TAF8: variants seen among roughly 807,000 people sequenced by gnomAD.
TAF8 encodes the protein TATA-box binding protein associated factor 8.
TAF8 carries 47 observed loss-of-function variants against 36.5 expected under a neutral mutation model. The observed-to-expected ratio is 1.29, with a 90% CI of 1.02 to 1.64. TAF8 has a LOEUF of 1.64. TAF8 is among the 40% of genes most tolerant of loss of function. The probability of loss-of-function intolerance (pLI) is 0.00; values close to 1 mark genes in which losing one functional copy is unlikely to be tolerated. For missense variants in TAF8, 420 were observed against 407.6 expected, an observed-to-expected ratio of 1.03 and a Z score of -0.26; for synonymous variants, 175 against 159.5, an observed-to-expected ratio of 1.10 and a Z score of -0.73.
intron 5 of TAF8, among the ~76,000 whole-genome samples, chr6:42,060,690 A>G (rs1582223127): frequency 6.6e-6 from 1 of 152,220 alleles, no homozygotes; most frequent in Non-Finnish European, 1.5e-5. Flanking sequence ...TTAATTGGCT[A>G]TATAAGTCAA....
rs1765842451 is a variant in TAF8, at chr6:42,078,948, C to T, written c.*1403C>T. ...ACCAGCCTGGCCAACATAGTGAAACCCCGTCTCTACTAAAAATACAAAAAT... is the reference window on the plus strand; with the variant it reads ...ACCAGCCTGGCCAACATAGTGAAACTCCGTCTCTACTAAAAATACAAAAAT... On this transcript the variant is annotated 3_prime_UTR_variant, in exon 9 of 9. Coordinates refer to ENST00000372977, the MANE Select transcript of TAF8 (RefSeq NM_138572.3). The T allele has an allele frequency of 1.5e-6, 1 of 682,320 alleles. No homozygotes were observed. The highest frequency in any genetic ancestry group is 1.8e-6 in the Non-Finnish European group (1 of 553,352). 42.3% of individuals were successfully genotyped at this position (682,320 alleles called of 1,614,324 possible).
intron 5 of TAF8, 67 bp downstream of exon 5, chr6:42,057,580 G>A (rs12208813): frequency 0.11 from 179,284 of 1,589,972 alleles, 11,289 homozygotes; most frequent in East Asian, 0.24. Context: ...TGACTGTCAC[G>A]TGGCAGAGTC....
Position 42,075,663 on chromosome 6 carries a change from T to TG in TAF8, c.781-1437_781-1436insG, listed in dbSNP as rs200650950. On this transcript the variant is annotated intron_variant, in intron 7 of 8. Transcript: ENST00000372977. ...CAGAACAGGAATCTCAATGACTTCT[T>TG]CCCCGTGGAAGAACTTCTTCCCCTT... is the stretch of plus-strand genomic sequence containing the variant. 1.5e-3 allele frequency among the ~76,000 whole-genome samples: 231 copies of TG among 152,020 alleles called. 1 individual carries two copies. The highest frequency in any genetic ancestry group is 5.5e-3 in the African/African-American group (226 of 41,318).
chr6:42,063,349 G>C (rs889423409), intron 5 of TAF8: 2 of 152,018 alleles, frequency 1.3e-5, no homozygotes, highest in African/African-American at 4.8e-5. Context: ...CTTCTGTAGA[G>C]ACAAGATATC....
chr6:42,084,903 A>G (rs1297406865), downstream of TAF8, among the ~76,000 whole-genome samples: 1 of 152,212 alleles, frequency 6.6e-6, no homozygotes, highest in African/African-American at 2.4e-5. Context: ...GTGGCTACCC[A>G]TCGCATCTGG....
chr6:42,086,787 C>T, downstream of TAF8: 2 of 1,539,018 alleles, frequency 1.3e-6, no homozygotes, highest in Non-Finnish European at 1.8e-6. Context: ...GGAGATCGGT[C>T]ACCAGGAGAG....
In TAF8 at chr6:42,079,763, A is replaced by C; in HGVS notation, c.*2218A>C. 1 of 736,638 alleles carries C rather than the reference A, an allele frequency of 1.4e-6. No individual in the cohort carries two copies. Among genetic ancestry groups the C allele is most frequent in the African/African-American group, 1.9e-5 (1 of 51,842 alleles). 45.6% of individuals were successfully genotyped at this position (736,638 alleles called of 1,614,324 possible). A position where few individuals can be genotyped will look rare whatever the true frequency, so the allele number is the denominator to read the frequency against. On this transcript the variant is annotated 3_prime_UTR_variant, in exon 9 of 9. Transcript: ENST00000372977. Reference sequence around the variant, plus strand: ...GACACGGGATTTTGCTATGTTGCCCAGGCTGGTCTTGAACTCCTGGCCTCA... The same window carrying C: ...GACACGGGATTTTGCTATGTTGCCCCGGCTGGTCTTGAACTCCTGGCCTCA...
intron 5 of TAF8, among the ~76,000 whole-genome samples, chr6:42,059,029 T>C (rs973455706): frequency 6.6e-6 from 1 of 152,044 alleles, no homozygotes; most frequent in African/African-American, 2.4e-5. Context: ...TTTTTAAGGA[T>C]AATGTGGTAG....
intron 7 of TAF8, among the ~76,000 whole-genome samples, chr6:42,074,573 C>T (rs1474140942): frequency 6.6e-6 from 1 of 152,238 alleles, no homozygotes; most frequent in Non-Finnish European, 1.5e-5. Flanking sequence ...CCCACTCTGT[C>T]GTCTAGGCTG....
chr6:42,057,520 G>A lies in TAF8; in HGVS notation c.489+7G>A, dbSNP rs1326798541. The A allele has an allele frequency of 5.0e-6, 8 of 1,614,028 alleles. No homozygotes were observed. The highest frequency in any genetic ancestry group is 1.7e-5 in the Admixed American group (1 of 60,002). ...CACCTACATCAAAACTCCGGTGAGTGATGAAGCACTGGGACTGCGCGTGGT... is the reference window on the plus strand; with the variant it reads ...CACCTACATCAAAACTCCGGTGAGTAATGAAGCACTGGGACTGCGCGTGGT... On this transcript the variant is annotated splice_region_variant and intron_variant, in intron 5 of 8. Coordinates refer to ENST00000372977, the MANE Select transcript of TAF8 (RefSeq NM_138572.3).
intron 6 of TAF8, among the ~76,000 whole-genome samples, chr6:42,067,186 C>A (rs1054257871): frequency 7.2e-5 from 11 of 152,178 alleles, no homozygotes; most frequent in Non-Finnish European, 1.6e-4. Context: ...CTGCAGGACC[C>A]CACATCTGAC....
chr6:42,073,683 G>A (rs903232474), intron 7 of TAF8, among the ~76,000 whole-genome samples: 5 of 152,162 alleles, frequency 3.3e-5, no homozygotes, highest in African/African-American at 1.2e-4. Context: ...CTTGTGGGAG[G>A]GAGGGTCAGA....
chr6:42,055,213 C>T (rs1764934506), intron 2 of TAF8, among the ~76,000 whole-genome samples: 1 of 152,218 alleles, frequency 6.6e-6, no homozygotes, highest in Non-Finnish European at 1.5e-5. Context: ...CCTGCGCCAC[C>T]ACACCTGGTC....
chr6:42,064,159 T>C (rs561311978), intron 5 of TAF8, among the ~76,000 whole-genome samples: 1 of 152,260 alleles, frequency 6.6e-6, no homozygotes, highest in South Asian at 2.1e-4. Context: ...GTGCCAAAAG[T>C]TGTCTTAGGA....
intron 7 of TAF8, among the ~76,000 whole-genome samples, chr6:42,069,588 G>A (rs1305199951): frequency 6.6e-6 from 1 of 152,184 alleles, no homozygotes; most frequent in Non-Finnish European, 1.5e-5. Flanking sequence ...GGTGTGTGGG[G>A]GAAGTCAGGA....
Position 42,055,594 on chromosome 6 carries a change from C to T in TAF8, c.266C>T (p.Thr89Ile). 6.2e-7 allele frequency: 1 copy of T among 1,614,190 alleles called. No homozygotes were observed. Among genetic ancestry groups the T allele is most frequent in the Non-Finnish European group, 8.5e-7 (1 of 1,180,016 alleles). The change falls in exon 3 of 9, where the codon ACA (threonine) becomes ATA (isoleucine). Residue 89 changes from threonine to isoleucine, a missense_variant. By Grantham distance (89) the Thr-to-Ile change is moderately conservative. Transcript: ENST00000372977. ...YCEHTARTQPTLSDIVVTLVE... is the reference protein window; with the variant it reads ...YCEHTARTQPILSDIVVTLVE... Reference sequence around the variant, plus strand: ...GAGCACACAGCCAGGACCCAGCCCACACTGTCCGATATCGTGGTCACACTT... The same window carrying T: ...GAGCACACAGCCAGGACCCAGCCCATACTGTCCGATATCGTGGTCACACTT...
chr6:42,055,968 T>G lies in TAF8; in HGVS notation c.318T>G (p.Thr106=), dbSNP rs1481140542. 20 of 1,612,978 alleles carry G rather than the reference T, an allele frequency of 1.2e-5. No individual in the cohort carries two copies. Among genetic ancestry groups the G allele is most frequent in the Non-Finnish European group, 1.6e-5 (19 of 1,179,012 alleles). ...TLVEMGFNVD[T]LPAYAKRSQR... ...GTCTCTTAGGTTTCAATGTGGACAC[T>G]CTCCCTGCTTATGCAAAACGGTCTC... Residue 106 remains threonine (T), a synonymous_variant, in exon 4 of 9, where the codon ACT becomes ACG. Coordinates refer to ENST00000372977, the MANE Select transcript of TAF8 (RefSeq NM_138572.3).
At chr6:42,057,679 G>C in intron 5 of TAF8, 166 bp downstream of exon 5, 3 of 880,112 alleles carry the variant, frequency 3.4e-6, no homozygotes, top group Non-Finnish European at 3.4e-6. Flanking sequence ...CAGCATTTTA[G>C]GAGGCCGAGG....
Position 42,050,527 on chromosome 6 carries a change from C to T in TAF8, c.-15C>T, listed in dbSNP as rs552876198. On this transcript the variant is annotated 5_prime_UTR_variant, in exon 1 of 9. Coordinates refer to ENST00000372977, the MANE Select transcript of TAF8 (RefSeq NM_138572.3). ...CCATCGCGCCCCGCGCTCGCGCACACTACGCCAGAACAAGATGGCCGACGC... is the reference window on the plus strand; with the variant it reads ...CCATCGCGCCCCGCGCTCGCGCACATTACGCCAGAACAAGATGGCCGACGC... 7.4e-5 allele frequency: 115 copies of T among 1,552,312 alleles called. No individual in the cohort carries two copies. Among genetic ancestry groups the T allele is most frequent in the Middle Eastern group, 1.7e-4 (1 of 5,932 alleles).
Sources: gnomAD v4.1 joint callset for allele counts (sites outside exome capture counted in the v4.1 genomes callset) on GRCh38, gnomAD v4.1.1 for gene constraint, MANE v1.5 for transcripts, NCBI Gene and HGNC (gene_info 2026-07-23, HGNC 2026-07-21) for gene names.